The following PITPNM2 variants were observed in gnomAD, a reference collection of about 807,000 sequenced individuals.
PITPNM2 encodes phosphatidylinositol transfer protein membrane associated 2, also known as membrane-associated phosphatidylinositol transfer protein 2.
PITPNM2 carries 35 observed loss-of-function variants against 132.2 expected under a neutral mutation model. The observed-to-expected ratio is 0.26, with a 90% CI of 0.20 to 0.35. PITPNM2 has a LOEUF of 0.35. PITPNM2 is among the 10% of genes least tolerant of loss of function. PITPNM2 has a pLI of 1.00. For missense variants in PITPNM2, 1,332 were observed against 1,912.0 expected (o/e 0.70, Z 5.66); for synonymous variants, 738 against 799.2 (o/e 0.92, Z 1.29).
intron 2 of PITPNM2, among the ~76,000 whole-genome samples, chr12:123,071,424 G>A (rs563531816): frequency 2.0e-5 from 3 of 152,306 alleles, no homozygotes; most frequent in East Asian, 3.9e-4. Context: ...AGAGAGACCC[G>A]CAGGCTGGAT....
Position 123,000,592 on chromosome 12 carries a change from A to G in PITPNM2, c.1224+186T>C, listed in dbSNP as rs929212500. The G allele has an allele frequency of 4.4e-6, 3 of 682,788 alleles. No homozygotes were observed. In the African/African-American group the frequency reaches 5.4e-5, roughly 12 times the overall value. The allele number at this position is 682,788 out of a possible 1,614,324, so 42.3% of individuals were successfully genotyped here. On this transcript the variant is annotated intron_variant, in intron 10 of 25. Transcript: ENST00000320201. The surrounding 1 kb of genome is among the most constrained non-coding windows in gnomAD (Gnocchi z 5.4). Reference sequence around the variant, plus strand: ...GGGGACCTCAGAGACAGAGGGCGACAGGCGCCTTCCTAGCAGGGCAGCAAA... The same window carrying G: ...GGGGACCTCAGAGACAGAGGGCGACGGGCGCCTTCCTAGCAGGGCAGCAAA...
chr12:123,133,165 C>T (rs1344944926), intron 1 of PITPNM2, among the ~76,000 whole-genome samples: 1 of 152,220 alleles, frequency 6.6e-6, no homozygotes, highest in Admixed American at 6.5e-5. Context: ...AACCATTTGA[C>T]ATTCCCACCA....
At chr12:123,098,553 T>C (rs540358234) in intron 2 of PITPNM2, among the ~76,000 whole-genome samples, 1 of 151,990 alleles carries the variant, frequency 6.6e-6, no homozygotes, top group Non-Finnish European at 1.5e-5. Context: ...AGAGAACAAT[T>C]TTTTTTAATT....
chr12:123,116,368 G>A (rs1187576879), intron 1 of PITPNM2, among the ~76,000 whole-genome samples: 1 of 152,130 alleles, frequency 6.6e-6, no homozygotes, highest in African/African-American at 2.4e-5. Flanking sequence ...CAGACATTCT[G>A]GCCAGGAGTG....
At position 122,993,950 on chromosome 12, in the gene PITPNM2, C is replaced by T. The variant is rs941057542; in HGVS notation, c.2233+851G>A. On this transcript the variant is annotated intron_variant, in intron 15 of 25. Transcript: ENST00000320201. This position sits in a 1 kb window ranked among gnomAD's most constrained non-coding sequence, Gnocchi z 5.2. Reference sequence around the variant, plus strand: ...GTGCAATGGCACAATCTTGGCTCACCGCAACCTCCGCCCTCCCGTGTTCAG... The same window carrying T: ...GTGCAATGGCACAATCTTGGCTCACTGCAACCTCCGCCCTCCCGTGTTCAG... Among the ~76,000 whole-genome samples, 3 of 152,036 alleles carry T rather than the reference C, an allele frequency of 2.0e-5. No individual in the cohort carries two copies. Among genetic ancestry groups the T allele is most frequent in the Admixed American group, 1.3e-4 (2 of 15,268 alleles).
At chr12:123,096,880 GC>G (rs2137175671) in intron 2 of PITPNM2, among the ~76,000 whole-genome samples, 1 of 152,244 alleles carries the variant, frequency 6.6e-6, no homozygotes, top group African/African-American at 2.4e-5. Flanking sequence ...GGTCTCCCCG[GC>G]CCCTCTGCAG....
chr12:123,064,167 G>A lies in PITPNM2; in HGVS notation c.-95-29482C>T, dbSNP rs80317309. On this transcript the variant is annotated intron_variant, in intron 2 of 25. Coordinates refer to ENST00000320201, the MANE Select transcript of PITPNM2 (RefSeq NM_020845.3). This position sits in a 1 kb window ranked among gnomAD's most constrained non-coding sequence, Gnocchi z 4.0. ...TGCCAGCCTTCCCAGGGTTGGGGCCGTTGCTCACTGTTTCGACCCTCCCAG... is the reference window on the plus strand; with the variant it reads ...TGCCAGCCTTCCCAGGGTTGGGGCCATTGCTCACTGTTTCGACCCTCCCAG... 0.03 allele frequency among the ~76,000 whole-genome samples: 4,642 copies of A among 152,272 alleles called. 235 individuals carry two copies. The highest frequency in any genetic ancestry group is 0.11 in the African/African-American group (4,432 of 41,524).
intron 2 of PITPNM2, among the ~76,000 whole-genome samples, chr12:123,056,976 G>A (rs539628607): frequency 1.3e-5 from 2 of 152,236 alleles, no homozygotes; most frequent in East Asian, 3.9e-4. Flanking sequence ...GGACAAGTCA[G>A]AGTACTCAGA....
At chr12:123,130,110 G>A (rs2043230509) in intron 1 of PITPNM2, among the ~76,000 whole-genome samples, 1 of 151,960 alleles carries the variant, frequency 6.6e-6, no homozygotes, top group Non-Finnish European at 1.5e-5. Context: ...TCGATAAGTC[G>A]CCCAGGCCAG....
chr12:123,078,840 C>T lies in PITPNM2; in HGVS notation c.-96+31545G>A, dbSNP rs530701654. Among the ~76,000 whole-genome samples the T allele has an allele frequency of 6.6e-6, 1 of 152,332 alleles. No individual in the cohort carries two copies. The highest frequency in any genetic ancestry group is 2.1e-4 in the South Asian group (1 of 4,826). On this transcript the variant is annotated intron_variant, in intron 2 of 25. Transcript: ENST00000320201. This position sits in a 1 kb window ranked among gnomAD's most constrained non-coding sequence, Gnocchi z 7.3. Reference sequence around the variant, plus strand: ...CTCACTGCTGCAGCTGCCCACGTCCCAGCTTCGATACTGGCTTCAGCCACC... The same window carrying T: ...CTCACTGCTGCAGCTGCCCACGTCCTAGCTTCGATACTGGCTTCAGCCACC...
At chr12:123,069,627 C>T (rs887652761) in intron 2 of PITPNM2, among the ~76,000 whole-genome samples, 2 of 152,132 alleles carry the variant, frequency 1.3e-5, no homozygotes, top group Non-Finnish European at 2.9e-5. Context: ...GCCCCGTGGG[C>T]CGAGTCAGCA....
chr12:123,071,546 C>G, intron 2 of PITPNM2, among the ~76,000 whole-genome samples: 1 of 152,214 alleles, frequency 6.6e-6, no homozygotes, highest in Non-Finnish European at 1.5e-5. Flanking sequence ...TGACAGAAAG[C>G]TCTGCTGGCT....
At chr12:123,002,810 C>T (rs1163588554) in intron 8 of PITPNM2, among the ~76,000 whole-genome samples, 1 of 152,164 alleles carries the variant, frequency 6.6e-6, no homozygotes, top group Non-Finnish European at 1.5e-5. Flanking sequence ...ATTAGCATAT[C>T]CATCATGTCA....
chr12:123,081,711 C>G (rs181884672), intron 2 of PITPNM2: 1 of 152,180 alleles, frequency 6.6e-6, no homozygotes, highest in Non-Finnish European at 1.5e-5. Context: ...CTGCAGGAGC[C>G]TCCTGAGAGG....
chr12:123,103,191 C>T (rs963439779), intron 2 of PITPNM2, among the ~76,000 whole-genome samples: 4 of 152,184 alleles, frequency 2.6e-5, no homozygotes, highest in African/African-American at 9.7e-5. Context: ...TAGTGACTGT[C>T]CTTACAGTGA....
intron 11 of PITPNM2, 42 bp downstream of exon 11, chr12:122,997,283 G>C: frequency 6.2e-7 from 1 of 1,609,518 alleles, no homozygotes; most frequent in Non-Finnish European, 8.5e-7. Flanking sequence ...GAGGAGGACA[G>C]TGCACTGCCG....
At chr12:123,048,974 AAAT>A (rs2040768070) in intron 2 of PITPNM2, among the ~76,000 whole-genome samples, 1 of 152,066 alleles carries the variant, frequency 6.6e-6, no homozygotes. Context: ...TTTCTACAAA[AAAT>A]AATAAAACTA....
intron 2 of PITPNM2, chr12:123,092,556 C>T (rs1484341116): frequency 6.6e-6 from 1 of 152,228 alleles, no homozygotes; most frequent in African/African-American, 2.4e-5. Context: ...TTGCTGGGTT[C>T]CCAGATCGGC....
Position 123,009,874 on chromosome 12 carries a change from T to C in PITPNM2, c.619A>G (p.Ile207Val), listed in dbSNP as rs1195141047. 1 of 1,614,122 alleles carries C rather than the reference T, an allele frequency of 6.2e-7. No individual in the cohort carries two copies. Among genetic ancestry groups the C allele is most frequent in the Admixed American group, 1.7e-5 (1 of 60,018 alleles). ...CCGGTGTCGTGGATGAACCTCTCGA[T>C]CTTGGACTGCATGCCCCAGTAGCGG... ...EFRYWGMQSKIERFIHDTGLR... is the reference protein window; with the variant it reads ...EFRYWGMQSKVERFIHDTGLR... Residue 207 changes from isoleucine (I) to valine (V), a missense_variant, in exon 6 of 26, where the codon ATC (isoleucine) becomes GTC (valine). By Grantham distance (29) the Ile-to-Val change is conservative. Coordinates refer to ENST00000320201, the MANE Select transcript of PITPNM2 (RefSeq NM_020845.3). The surrounding 1 kb of genome is among the most constrained non-coding windows in gnomAD (Gnocchi z 4.8).
Sources: gnomAD v4.1 joint callset for allele counts (sites outside exome capture counted in the v4.1 genomes callset) on GRCh38, gnomAD v4.1.1 for gene constraint, Gnocchi (gnomAD v3.1) non-coding constraint, MANE v1.5 for transcripts, NCBI Gene and HGNC (gene_info 2026-07-23, HGNC 2026-07-21) for gene names.